The following MSTO1 variants were observed in gnomAD, a reference collection of about 807,000 sequenced individuals.
MSTO1 encodes the protein protein misato homolog 1.
In MSTO1, 24 loss-of-function variants were observed where a neutral mutation model predicts 55.7. The observed-to-expected ratio is 0.43, with a 90% CI of 0.31 to 0.61. The LOEUF is 0.61. MSTO1 is among the 20% of genes least tolerant of loss of function. The pLI is 0.09. For synonymous variants in MSTO1, 162 were observed against 252.8 expected (o/e 0.64, Z 3.41); for missense variants, 363 against 625.7 (o/e 0.58, Z 4.48).
chr1:155,586,626 T>C, the MSTO1 span: 1 of 479,024 alleles, frequency 2.1e-6, no homozygotes, highest in Non-Finnish European at 4.1e-6. Context: ...ATTTGTGCTT[T>C]ACCTTTCACT....
At chr1:155,575,465 A>G in the MSTO1 span, among the ~76,000 whole-genome samples, 3 of 151,902 alleles carry the variant, frequency 2.0e-5, no homozygotes, top group Admixed American at 2.0e-4. Flanking sequence ...AATTTGAGTC[A>G]GGGTCTCACT....
the MSTO1 span, chr1:155,602,221 G>T: frequency 5.1e-6 from 3 of 587,218 alleles, no homozygotes; most frequent in Admixed American, 4.3e-5. Flanking sequence ...GCTCACACCT[G>T]TAATCACAGC....
At chr1:155,570,740 G>A in the MSTO1 span, among the ~76,000 whole-genome samples, 50 of 152,106 alleles carry the variant, frequency 3.3e-4, 1 homozygote, top group Admixed American at 1.8e-3. Context: ...CTTGATTATA[G>A]GTATATACCT....
chr1:155,587,215 G>C, the MSTO1 span, among the ~76,000 whole-genome samples: 17 of 152,066 alleles, frequency 1.1e-4, no homozygotes, highest in African/African-American at 3.9e-4. Context: ...GGTGAGGCGG[G>C]AGGATCACCT....
At chr1:155,591,034 A>G in the MSTO1 span, 1 of 1,613,906 alleles carries the variant, frequency 6.2e-7, no homozygotes, top group Non-Finnish European at 8.5e-7. Context: ...TGCAGCCTGC[A>G]GGTCCTGTGG....
chr1:155,611,678 C>T lies in MSTO1; in HGVS notation c.422-11C>T, dbSNP rs1333845687. 2 of 1,145,162 alleles carry T rather than the reference C, an allele frequency of 1.7e-6. No homozygotes were observed. Among genetic ancestry groups the T allele is most frequent in the Non-Finnish European group, 2.5e-6 (2 of 787,102 alleles). The allele number at this position is 1,145,162 out of a possible 1,614,324, so 70.9% of individuals were successfully genotyped here. ...CATGGAGAAAGGTACATTTCCTCTG[C>T]TTGTCTTCAGGTTCCTCACCACTCC... On this transcript the variant is annotated splice_polypyrimidine_tract_variant and intron_variant, in intron 5 of 13. Coordinates refer to ENST00000245564, the MANE Select transcript of MSTO1 (RefSeq NM_018116.4).
chr1:155,613,802 A>G (rs776817231), intron 13 of MSTO1, 36 bp downstream of exon 13: 73 of 1,613,746 alleles, frequency 4.5e-5, no homozygotes, highest in Middle Eastern at 1.6e-4. Context: ...GATTTCAAGT[A>G]TGGGAGAGTT....
In MSTO1 at chr1:155,614,929, GC is replaced by G; in HGVS notation, c.*657del. On this transcript the variant is annotated 3_prime_UTR_variant, in exon 14 of 14. Transcript: ENST00000245564. ...TTAGTAACATGTTAACATTTATGAA[GC>G]ACTATATATTGATTTGCAAAATCTT... is the stretch of plus-strand genomic sequence containing the variant. 8.1e-7 allele frequency: 1 copy of G among 1,239,088 alleles called. No homozygotes were observed. The highest frequency in any genetic ancestry group is 1.2e-6 in the Non-Finnish European group (1 of 861,672). The allele number at this position is 1,239,088 out of a possible 1,614,324, so 76.8% of individuals were successfully genotyped here.
chr1:155,613,356 A>G (rs1674764272), intron 11 of MSTO1, 106 bp from the exon 12 acceptor site: 1 of 1,568,730 alleles, frequency 6.4e-7, no homozygotes, highest in African/African-American at 1.4e-5. Context: ...GGAAAAAAAA[A>G]AGGGCTTTGA....
chr1:155,605,588 G>C (rs959683064), upstream of MSTO1, among the ~76,000 whole-genome samples: 5 of 152,176 alleles, frequency 3.3e-5, no homozygotes, highest in African/African-American at 1.2e-4. Context: ...GATGGCTTGA[G>C]TCCTGGAGTT....
the MSTO1 span, among the ~76,000 whole-genome samples, chr1:155,593,483 G>T: frequency 2.0e-5 from 3 of 152,186 alleles, no homozygotes; most frequent in Non-Finnish European, 2.9e-5. Flanking sequence ...TACTAACTCT[G>T]TGACCTTAAT....
the MSTO1 span, among the ~76,000 whole-genome samples, chr1:155,596,711 C>A: frequency 6.6e-6 from 1 of 152,106 alleles, no homozygotes; most frequent in Non-Finnish European, 1.5e-5. Flanking sequence ...CACTTGAGCC[C>A]AGGAAGTCAA....
chr1:155,593,238 A>T, the MSTO1 span, among the ~76,000 whole-genome samples: 20 of 152,234 alleles, frequency 1.3e-4, no homozygotes, highest in Non-Finnish European at 1.8e-4. Context: ...GATGCTTTAC[A>T]TACTCCTTCA....
the MSTO1 span, chr1:155,602,245 G>A: frequency 1.8e-5 from 8 of 448,148 alleles, no homozygotes; most frequent in African/African-American, 6.3e-5. Flanking sequence ...TTAGGAGACC[G>A]AGGAGGGTGA....
At chr1:155,563,446 C>T in the MSTO1 span, 1 of 456,598 alleles carries the variant, frequency 2.2e-6, no homozygotes, top group Admixed American at 2.3e-5. Context: ...GGGGATTCCT[C>T]CCGGGCGTTG....
chr1:155,582,876 T>G, the MSTO1 span, among the ~76,000 whole-genome samples: 16 of 152,020 alleles, frequency 1.1e-4, no homozygotes, highest in African/African-American at 3.9e-4. Context: ...TTTGTTTTTG[T>G]TTTGTTTTTT....
the MSTO1 span, among the ~76,000 whole-genome samples, chr1:155,581,217 G>A: frequency 6.6e-6 from 1 of 151,586 alleles, no homozygotes; most frequent in Non-Finnish European, 1.5e-5. Flanking sequence ...CTTATACCTC[G>A]GCCTCCCAAA....
upstream of MSTO1, among the ~76,000 whole-genome samples, chr1:155,607,966 T>G (rs566837769): frequency 3.9e-5 from 6 of 152,162 alleles, no homozygotes; most frequent in Non-Finnish European, 7.3e-5. Context: ...ACCACTGCAC[T>G]CCAGCCAGGG....
chr1:155,601,452 T>C, the MSTO1 span, among the ~76,000 whole-genome samples: 1 of 151,874 alleles, frequency 6.6e-6, no homozygotes, highest in Non-Finnish European at 1.5e-5. Flanking sequence ...TATATATTGA[T>C]TCTAAAGATA....
Sources: gnomAD v4.1 joint callset for allele counts (sites outside exome capture counted in the v4.1 genomes callset) on GRCh38, gnomAD v4.1.1 for gene constraint, MANE v1.5 for transcripts, NCBI Gene and HGNC (gene_info 2026-07-23, HGNC 2026-07-21) for gene names.